The following ENPP3 variants were observed in gnomAD, a reference collection of about 807,000 sequenced individuals.
ENPP3 encodes ectonucleotide pyrophosphatase/phosphodiesterase family member 3.
In ENPP3, 104 loss-of-function variants were observed where a neutral mutation model predicts 117.8. That is an observed-to-expected ratio of 0.88 (90% CI 0.75 to 1.04). The LOEUF (loss-of-function observed/expected upper bound fraction) is 1.04, where lower values mean the gene tolerates loss of function less well. Among genes scored for constraint, ENPP3 ranks in the 50% least tolerant of loss-of-function variants. The pLI is 0.00. For synonymous variants in ENPP3, 380 were observed against 349.9 expected (o/e 1.09, Z -0.96); for missense variants, 1,026 against 1,051.9 (o/e 0.98, Z 0.34).
At chr6:131,731,905 G>C (rs936704012) in intron 20 of ENPP3, among the ~76,000 whole-genome samples, 3 of 152,232 alleles carry the variant, frequency 2.0e-5, no homozygotes, top group African/African-American at 7.2e-5. Context: ...ATCAATTTGA[G>C]AAGTTTTCTA....
intron 11 of ENPP3, among the ~76,000 whole-genome samples, chr6:131,679,651 A>G (rs1019358183): frequency 7.9e-5 from 12 of 152,188 alleles, no homozygotes; most frequent in African/African-American, 2.9e-4. Context: ...AGTCTAGAGT[A>G]GGGTGCAAAT....
At chr6:131,661,974 G>T (rs1007981837) in intron 6 of ENPP3, among the ~76,000 whole-genome samples, 1 of 152,146 alleles carries the variant, frequency 6.6e-6, no homozygotes, top group African/African-American at 2.4e-5. Context: ...TCATTGCCAA[G>T]ACCAATGTCA....
At chr6:131,673,158 C>T (rs1778783036) in intron 7 of ENPP3, among the ~76,000 whole-genome samples, 1 of 152,152 alleles carries the variant, frequency 6.6e-6, no homozygotes, top group Non-Finnish European at 1.5e-5. Context: ...AGCCTAATGT[C>T]ACTTATTTGC....
At chr6:131,728,618 G>C (rs1780206930) in intron 20 of ENPP3, among the ~76,000 whole-genome samples, 1 of 152,168 alleles carries the variant, frequency 6.6e-6, no homozygotes, top group Non-Finnish European at 1.5e-5. Context: ...GATGTTTTGG[G>C]ATTCACATAA....
chr6:131,675,052 C>A, intron 8 of ENPP3, 28 bp from the exon 9 acceptor site: 1 of 1,396,854 alleles, frequency 7.2e-7, no homozygotes. Flanking sequence ...TAATTACTGA[C>A]TTTCGCTTAT....
intron 2 of ENPP3, among the ~76,000 whole-genome samples, chr6:131,647,658 G>A (rs1562425898): frequency 6.6e-6 from 1 of 151,852 alleles, no homozygotes; most frequent in Non-Finnish European, 1.5e-5. Flanking sequence ...TTATTTTGAA[G>A]CAAATACTTG....
chr6:131,741,017 G>A (rs1008256767), intron 24 of ENPP3, among the ~76,000 whole-genome samples: 1 of 151,802 alleles, frequency 6.6e-6, no homozygotes, highest in Non-Finnish European at 1.5e-5. Flanking sequence ...TGAACCATGA[G>A]GTGTGAAATT....
intron 15 of ENPP3, among the ~76,000 whole-genome samples, chr6:131,695,264 A>C (rs1779379895): frequency 6.6e-6 from 1 of 152,222 alleles, no homozygotes; most frequent in African/African-American, 2.4e-5. Context: ...TAAAAGTCTA[A>C]CACCAAACAA....
intron 6 of ENPP3, among the ~76,000 whole-genome samples, chr6:131,667,346 T>A (rs892378811): frequency 4.6e-5 from 7 of 152,106 alleles, no homozygotes; most frequent in African/African-American, 7.2e-5. Context: ...ATTGGACACT[T>A]AGTGCAACTC....
At chr6:131,725,191 A>G (rs564524250) in intron 19 of ENPP3, among the ~76,000 whole-genome samples, 1 of 152,142 alleles carries the variant, frequency 6.6e-6, no homozygotes, top group African/African-American at 2.4e-5. Context: ...ATGCCACTCC[A>G]CTCCAGCTTG....
At chr6:131,675,922 C>G (rs1482314368) in intron 9 of ENPP3, among the ~76,000 whole-genome samples, 3 of 152,158 alleles carry the variant, frequency 2.0e-5, no homozygotes, top group Non-Finnish European at 4.4e-5. Flanking sequence ...TCAATGGCCC[C>G]CTGTGTCACT....
intron 5 of ENPP3, among the ~76,000 whole-genome samples, chr6:131,656,023 A>T (rs1166352344): frequency 6.6e-6 from 1 of 152,202 alleles, no homozygotes; most frequent in Non-Finnish European, 1.5e-5. Context: ...CATTACATAA[A>T]ATCCTCTTGC....
At chr6:131,729,469 G>T (rs139467613) in intron 20 of ENPP3, among the ~76,000 whole-genome samples, 50 of 152,202 alleles carry the variant, frequency 3.3e-4, no homozygotes, top group African/African-American at 1.2e-3. Flanking sequence ...AGCAGCTCAC[G>T]TTCCTGTCTA....
intron 20 of ENPP3, among the ~76,000 whole-genome samples, chr6:131,732,692 A>G (rs1186482776): frequency 6.7e-6 from 1 of 150,254 alleles, no homozygotes; most frequent in Non-Finnish European, 1.5e-5. Context: ...GGCATGAGCC[A>G]CCAAGCCTGG....
Position 131,699,278 on chromosome 6 carries a change from T to C in ENPP3, c.1412+5654T>C, listed in dbSNP as rs1425583445. On this transcript the variant is annotated intron_variant, in intron 15 of 24. Coordinates refer to ENST00000357639, the MANE Select transcript of ENPP3 (RefSeq NM_005021.5). ...AAAAGGATAAAATAGTTTTAGGACA[T>C]AGTTTTATATCTAACATGATATGAC... is the stretch of plus-strand genomic sequence containing the variant. 2.9e-5 allele frequency among the ~76,000 whole-genome samples: 4 copies of C among 139,720 alleles called. No individual in the cohort carries two copies. The Admixed American group carries it at 3.0e-4, about 10-fold the overall frequency. 91.7% of individuals were successfully genotyped at this position (139,720 alleles called of 152,430 possible). A position where few individuals can be genotyped will look rare whatever the true frequency, so the allele number is the denominator to read the frequency against.
In ENPP3 at chr6:131,693,587, G is replaced by A. The variant is rs755873353; in HGVS notation, c.1375G>A (p.Val459Ile). Residue 459 changes from valine to isoleucine, a missense_variant, in exon 15 of 25, where the codon GTT becomes ATT. Val to Ile is a conservative substitution (Grantham distance 29, BLOSUM62 3). Transcript: ENST00000357639. ...TGCCAAGAACGTCAGAATCGACAAAGTTCATCTCTTTGTGGATCAACAGTG... is the reference window on the plus strand; with the variant it reads ...TGCCAAGAACGTCAGAATCGACAAAATTCATCTCTTTGTGGATCAACAGTG... ...HYAKNVRIDK[V>I]HLFVDQQWLA... 3.1e-6 allele frequency: 5 copies of A among 1,613,726 alleles called. No homozygotes were observed. The highest frequency in any genetic ancestry group is 2.5e-6 in the Non-Finnish European group (3 of 1,179,896).
chr6:131,700,608 T>C, intron 15 of ENPP3: 3 of 1,552,772 alleles, frequency 1.9e-6, no homozygotes, highest in Non-Finnish European at 2.6e-6. Context: ...CTCCTTGGGG[T>C]TCCCATATCT....
chr6:131,673,757 G>A (rs931838689), intron 7 of ENPP3, among the ~76,000 whole-genome samples: 2 of 152,024 alleles, frequency 1.3e-5, no homozygotes, highest in Admixed American at 1.3e-4. Context: ...GAAAAAAATT[G>A]CGTCTGTACT....
intron 15 of ENPP3, among the ~76,000 whole-genome samples, chr6:131,702,392 G>C (rs1019997282): frequency 6.6e-5 from 10 of 151,468 alleles, no homozygotes; most frequent in Non-Finnish European, 7.4e-5. Flanking sequence ...TCTTATCCAA[G>C]TGTAAAGACT....
Sources: gnomAD v4.1 joint callset for allele counts (sites outside exome capture counted in the v4.1 genomes callset) on GRCh38, gnomAD v4.1.1 for gene constraint, MANE v1.5 for transcripts, NCBI Gene and HGNC (gene_info 2026-07-23, HGNC 2026-07-21) for gene names.